Variants in SULF2 observed in about 807,000 individuals in gnomAD.
SULF2 encodes sulfatase 2.
SULF2 carries 52 observed loss-of-function variants against 107.7 expected under a neutral mutation model. That is an observed-to-expected ratio of 0.48 (90% CI 0.39 to 0.61). The LOEUF (loss-of-function observed/expected upper bound fraction) is 0.61, where lower values mean the gene tolerates loss of function less well. SULF2 is among the 20% of genes least tolerant of loss of function. SULF2 has a pLI of 0.00. For missense variants in SULF2, 993 were observed against 1,177.3 expected (o/e 0.84, Z 2.29); for synonymous variants, 460 against 464.3 (o/e 0.99, Z 0.12).
intron 1 of SULF2, among the ~76,000 whole-genome samples, chr20:47,759,075 T>A (rs73137531): frequency 0.25 from 38,582 of 151,994 alleles, 5,756 homozygotes; most frequent in Non-Finnish European, 0.34. Flanking sequence ...AAAATACAGA[T>A]CAGATCACAG....
chr20:47,712,698 C>T (rs1480725255), intron 3 of SULF2, among the ~76,000 whole-genome samples: 8 of 152,170 alleles, frequency 5.3e-5, no homozygotes, highest in East Asian at 1.9e-4. Context: ...TCACACCCCT[C>T]GCCCAGGAGT....
At chr20:47,750,888 G>A (rs956483640) in intron 2 of SULF2, among the ~76,000 whole-genome samples, 2 of 152,184 alleles carry the variant, frequency 1.3e-5, no homozygotes, top group Non-Finnish European at 1.5e-5. Flanking sequence ...GATCCCCCTT[G>A]ACTGGTTTCC....
At chr20:47,695,736 C>G (rs570252597) in intron 4 of SULF2, among the ~76,000 whole-genome samples, 2 of 152,316 alleles carry the variant, frequency 1.3e-5, no homozygotes, top group South Asian at 4.1e-4. Flanking sequence ...GCCTCAGCCT[C>G]CCAAGTAGCT....
Position 47,736,752 on chromosome 20 carries a change from G to A in SULF2, c.366C>T (p.His122=), listed in dbSNP as rs1224764151. Residue 122 remains histidine (H), a synonymous_variant, in exon 3 of 21, where the codon CAC becomes CAT. Coordinates refer to ENST00000688720, the MANE Select transcript of SULF2 (RefSeq NM_001387048.1). ...GGTACACGGCAAAGGTGCGGCTCTC[G>A]TGCTGTGCCTGCCAGGAGGGCGAGG... ...NCSSPSWQAQ[H]ESRTFAVYLN... 1.9e-6 allele frequency: 3 copies of A among 1,614,120 alleles called. No individual in the cohort carries two copies. The highest frequency in any genetic ancestry group is 1.7e-5 in the Admixed American group (1 of 60,016).
chr20:47,761,070 C>G (rs2090407858), intron 1 of SULF2, among the ~76,000 whole-genome samples: 1 of 152,210 alleles, frequency 6.6e-6, no homozygotes, highest in South Asian at 2.1e-4. Context: ...GGGACTAGAG[C>G]CTGGCCATAG....
intron 3 of SULF2, among the ~76,000 whole-genome samples, chr20:47,724,758 G>A (rs2089392131): frequency 6.6e-6 from 1 of 152,160 alleles, no homozygotes; most frequent in South Asian, 2.1e-4. Flanking sequence ...CTCAGAACAA[G>A]GCCTGTCACT....
At chr20:47,675,384 G>T (rs2087608895) in intron 10 of SULF2, among the ~76,000 whole-genome samples, 1 of 152,174 alleles carries the variant, frequency 6.6e-6, no homozygotes, top group South Asian at 2.1e-4. Context: ...ACAACGGAGG[G>T]ATGAAATCCA....
intron 3 of SULF2, among the ~76,000 whole-genome samples, chr20:47,735,990 C>T (rs763774198): frequency 3.3e-5 from 5 of 152,266 alleles, no homozygotes; most frequent in African/African-American, 7.2e-5. Flanking sequence ...TTACCCAAGG[C>T]GGGGAGTATT....
rs1179285022 is a variant in SULF2 at position 47,666,886 on chromosome 20, G to A, written c.1577-398C>T. Among the ~76,000 whole-genome samples, 2 of 152,332 alleles carry A rather than the reference G, an allele frequency of 1.3e-5. No homozygotes were observed. Among genetic ancestry groups the A allele is most frequent in the Middle Eastern group, 3.4e-3 (1 of 294 alleles). ...GAGTGAAACCAGCCAGACACAAAGCGGGCTCGTATTGTTACATTCTATTTA... is the reference window on the plus strand; with the variant it reads ...GAGTGAAACCAGCCAGACACAAAGCAGGCTCGTATTGTTACATTCTATTTA... On this transcript the variant is annotated intron_variant, in intron 11 of 20. Transcript: ENST00000688720. The surrounding 1 kb of genome is among the most constrained non-coding windows in gnomAD (Gnocchi z 5.4).
Position 47,758,112 on chromosome 20 carries a change from G to A in SULF2, c.-100-649C>T, listed in dbSNP as rs144216907. ...TAAGATTTCAGTCTGCTGGGGATGC[G>A]TGTGAAAGCCCCTTGTTAAGGGATC... On this transcript the variant is annotated intron_variant, in intron 1 of 20. Transcript: ENST00000688720. 2.7e-4 allele frequency among the ~76,000 whole-genome samples: 41 copies of A among 151,668 alleles called. No individual in the cohort carries two copies. The South Asian group carries it at 3.3e-3, about 12-fold the overall frequency.
Position 47,666,578 on chromosome 20 carries a change from G to T in SULF2, c.1577-90C>A, listed in dbSNP as rs1455714989. The T allele has an allele frequency of 1.3e-5, 13 of 1,036,074 alleles. No individual in the cohort carries two copies. Among genetic ancestry groups the T allele is most frequent in the Middle Eastern group, 3.1e-4 (1 of 3,206 alleles). The allele number at this position is 1,036,074 out of a possible 1,614,324, so 64.2% of individuals were successfully genotyped here. ...GTGGGTCCTTCATCAAGATAGGGCCGGGCTTCCAAGCATGAGGCTCAGCTT... is the reference window on the plus strand; with the variant it reads ...GTGGGTCCTTCATCAAGATAGGGCCTGGCTTCCAAGCATGAGGCTCAGCTT... On this transcript the variant is annotated intron_variant, in intron 11 of 20. Transcript: ENST00000688720. This position sits in a 1 kb window ranked among gnomAD's most constrained non-coding sequence, Gnocchi z 5.4.
chr20:47,665,887 C>G lies in SULF2; in HGVS notation c.1872G>C (p.Trp624Cys). Reference sequence around the variant, plus strand: ...GGTCGATGTGCAGCTTGTGGTCTTTCCAGGCCTGCAGGGACTTGTACAGGT... The same window carrying G: ...GGTCGATGTGCAGCTTGTGGTCTTTGCAGGCCTGCAGGGACTTGTACAGGT... ...DLDLYKSLQA[W>C]KDHKLHIDHE... The change falls in exon 13 of 21, where the codon TGG becomes TGC. Residue 624 changes from tryptophan to cysteine, a missense_variant. Coordinates refer to ENST00000688720, the MANE Select transcript of SULF2 (RefSeq NM_001387048.1). 2 of 1,614,080 alleles carry G rather than the reference C, an allele frequency of 1.2e-6. No individual in the cohort carries two copies. The highest frequency in any genetic ancestry group is 1.7e-6 in the Non-Finnish European group (2 of 1,180,030).
Position 47,666,521 on chromosome 20 carries a change from A to G in SULF2, c.1577-33T>C, listed in dbSNP as rs1399511272. 3 of 1,567,966 alleles carry G rather than the reference A, an allele frequency of 1.9e-6. No individual in the cohort carries two copies. The highest frequency in any genetic ancestry group is 2.6e-6 in the Non-Finnish European group (3 of 1,147,392). ...CATTAGAGGAGTGGCAGAGTTAGGG[A>G]GGCAGGAAAGGCTGGCCAGGCTCCC... On this transcript the variant is annotated intron_variant, in intron 11 of 20. Transcript: ENST00000688720. The surrounding 1 kb of genome is among the most constrained non-coding windows in gnomAD (Gnocchi z 5.4).
chr20:47,727,317 C>A (rs1327868693), intron 3 of SULF2, among the ~76,000 whole-genome samples: 1 of 152,096 alleles, frequency 6.6e-6, no homozygotes, highest in Non-Finnish European at 1.5e-5. Context: ...GAGGAGGCCG[C>A]ATGAAGATGA....
intron 3 of SULF2, among the ~76,000 whole-genome samples, chr20:47,722,228 G>A (rs1347253540): frequency 6.6e-6 from 1 of 152,170 alleles, no homozygotes; most frequent in East Asian, 1.9e-4. Context: ...TTTTTTTGCT[G>A]ACTTCAAGCC....
intron 3 of SULF2, among the ~76,000 whole-genome samples, chr20:47,713,760 A>AAT (rs1400794225): frequency 1.4e-5 from 1 of 70,090 alleles, no homozygotes; most frequent in Non-Finnish European, 3.8e-5. Context: ...TGAAAAAAAA[A>AAT]AAATAATAAA....
chr20:47,670,338 G>A (rs1383692171), intron 11 of SULF2, among the ~76,000 whole-genome samples: 36 of 151,822 alleles, frequency 2.4e-4, no homozygotes, highest in African/African-American at 4.8e-5. Context: ...GACTACAGGC[G>A]CCCACCACCA....
chr20:47,729,238 GGGAGACCA>G (rs1429629720), intron 3 of SULF2, among the ~76,000 whole-genome samples: 1 of 152,196 alleles, frequency 6.6e-6, no homozygotes, highest in African/African-American at 2.4e-5. Context: ...AGTGACTGAG[GGGAGACCA>G]GGAGGCTGAG....
At chr20:47,710,561 G>A (rs1224500924) in intron 3 of SULF2, among the ~76,000 whole-genome samples, 6 of 151,720 alleles carry the variant, frequency 4.0e-5, no homozygotes, top group Admixed American at 1.3e-4. Context: ...ATCACCTAAC[G>A]ACACGTTTCT....
Sources: gnomAD v4.1 joint callset for allele counts (sites outside exome capture counted in the v4.1 genomes callset) on GRCh38, gnomAD v4.1.1 for gene constraint, Gnocchi (gnomAD v3.1) non-coding constraint, MANE v1.5 for transcripts, NCBI Gene and HGNC (gene_info 2026-07-23, HGNC 2026-07-21) for gene names.